AGAP1: variants seen among roughly 807,000 people sequenced by gnomAD.
The protein encoded by AGAP1 is ArfGAP with GTPase domain, ankyrin repeat and PH domain 1, also known as arf-GAP with GTPase, ANK repeat and PH domain-containing protein 1.
AGAP1 carries 29 observed loss-of-function variants against 105.3 expected under a neutral mutation model. That is an observed-to-expected ratio of 0.28 (90% confidence interval 0.21 to 0.38). AGAP1 has a LOEUF of 0.38. AGAP1 is among the 10% of genes least tolerant of loss of function. The pLI, the probability that AGAP1 is intolerant of heterozygous loss-of-function variation, is 1.00. For missense variants in AGAP1, 998 were observed against 1,165.1 expected (o/e 0.86, Z 2.09); for synonymous variants, 509 against 485.9 (o/e 1.05, Z -0.63).
In AGAP1 at chr2:235,812,390, A is replaced by G. The variant is rs559906112; in HGVS notation, c.1050+5059A>G. 1.0e-3 allele frequency among the ~76,000 whole-genome samples: 158 copies of G among 152,304 alleles called. 1 individual carries two copies. The highest frequency in any genetic ancestry group is 1.2e-3 in the Non-Finnish European group (83 of 68,026). ...CTGTGCGTGTTTTGATTCTCAGTTG[A>G]GTAGAAAGAGGCAATTGTCAATTAA... On this transcript the variant is annotated intron_variant, in intron 9 of 17. Transcript: ENST00000304032.
At chr2:235,831,829 A>G (rs1959446936) in intron 9 of AGAP1, among the ~76,000 whole-genome samples, 1 of 152,256 alleles carries the variant, frequency 6.6e-6, no homozygotes, top group African/African-American at 2.4e-5. Context: ...TAAATACCAA[A>G]GAACATGATT....
chr2:235,852,761 T>TC, intron 9 of AGAP1: 3 of 1,533,832 alleles, frequency 2.0e-6, no homozygotes, highest in Non-Finnish European at 2.6e-6. Context: ...CCGTCAGTCC[T>TC]CCCCCTGGCC....
intron 16 of AGAP1, among the ~76,000 whole-genome samples, chr2:236,079,860 G>A (rs2058737414): frequency 6.6e-6 from 1 of 152,204 alleles, no homozygotes; most frequent in South Asian, 2.1e-4. Flanking sequence ...GGTTACCAGG[G>A]AATGAGAACT....
In AGAP1 at chr2:236,121,353, T is replaced by C. The variant is rs1276501194; in HGVS notation, c.2370+906T>C. The stretch of plus-strand genomic sequence containing the variant: ...TCTCGCTCTGTCACCCAGGCTGGAG[T>C]GCAGTGGTGCGATCTCAGCTCACTG... On this transcript the variant is annotated intron_variant, in intron 17 of 17. Transcript: ENST00000304032. This position sits in a 1 kb window ranked among gnomAD's most constrained non-coding sequence, Gnocchi z 4.9. 6.6e-6 allele frequency among the ~76,000 whole-genome samples: 1 copy of C among 152,176 alleles called. No individual in the cohort carries two copies. The highest frequency in any genetic ancestry group is 1.5e-5 in the Non-Finnish European group (1 of 68,032).
intron 2 of AGAP1, among the ~76,000 whole-genome samples, chr2:235,709,702 C>T (rs1950743039): frequency 6.6e-6 from 1 of 152,228 alleles, no homozygotes; most frequent in South Asian, 2.1e-4. Context: ...TGACTATTTA[C>T]CCTGTGACCA....
intron 6 of AGAP1, among the ~76,000 whole-genome samples, chr2:235,761,710 A>G (rs559557995): frequency 6.6e-6 from 1 of 152,372 alleles, no homozygotes; most frequent in Admixed American, 6.5e-5. Flanking sequence ...TGATCAAAAG[A>G]ATAAGAGAAT....
chr2:235,960,225 A>G lies in AGAP1; in HGVS notation c.1484-8237A>G, dbSNP rs1017461683. Among the ~76,000 whole-genome samples, 7 of 152,178 alleles carry G rather than the reference A, an allele frequency of 4.6e-5. No homozygotes were observed. The highest frequency in any genetic ancestry group is 2.1e-4 in the South Asian group (1 of 4,816). Reference sequence around the variant, plus strand: ...CACAGGTGCTTTGCACACGTCAGTTACTCGAGTCATAGCCTCCTGAGGACG... The same window carrying G: ...CACAGGTGCTTTGCACACGTCAGTTGCTCGAGTCATAGCCTCCTGAGGACG... On this transcript the variant is annotated intron_variant, in intron 12 of 17. Coordinates refer to ENST00000304032, the MANE Select transcript of AGAP1 (RefSeq NM_001037131.3). The surrounding 1 kb of genome is among the most constrained non-coding windows in gnomAD (Gnocchi z 4.9).
rs2056647655 is a variant in AGAP1, at chr2:236,014,992, C to T, written c.1646-21569C>T. 6.6e-6 allele frequency: 2 copies of T among 304,660 alleles called. No individual in the cohort carries two copies. Among genetic ancestry groups the T allele is most frequent in the Non-Finnish European group, 6.8e-6 (1 of 147,302 alleles). 18.9% of individuals were successfully genotyped at this position (304,660 alleles called of 1,614,324 possible). A position where few individuals can be genotyped will look rare whatever the true frequency, so the allele number is the denominator to read the frequency against. On this transcript the variant is annotated intron_variant, in intron 13 of 17. Transcript: ENST00000304032. The surrounding 1 kb of genome is among the most constrained non-coding windows in gnomAD (Gnocchi z 6.3). ...CATGGAAATGCAATTTGCCCAAAGC[C>T]GCATGCTCCCTTATTGTGTTTGCAG...
rs2051064505 is a variant in AGAP1, at chr2:235,901,512, G to T, written c.1156-7226G>T. On this transcript the variant is annotated intron_variant, in intron 10 of 17. Transcript: ENST00000304032. The surrounding 1 kb of genome is among the most constrained non-coding windows in gnomAD (Gnocchi z 4.3). Reference sequence around the variant, plus strand: ...GTGTACATAAAAGCATACACATGGAGCCAATGGCTGCTTTGCAGACATGAA... The same window carrying T: ...GTGTACATAAAAGCATACACATGGATCCAATGGCTGCTTTGCAGACATGAA... Among the ~76,000 whole-genome samples the T allele has an allele frequency of 6.6e-6, 1 of 152,206 alleles. No homozygotes were observed. Among genetic ancestry groups the T allele is most frequent in the African/African-American group, 2.4e-5 (1 of 41,452 alleles).
chr2:235,825,834 A>G (rs1464725413), intron 9 of AGAP1, among the ~76,000 whole-genome samples: 1 of 152,214 alleles, frequency 6.6e-6, no homozygotes, highest in Non-Finnish European at 1.5e-5. Flanking sequence ...AGTAATAACT[A>G]TACATTTAAA....
chr2:235,498,363 G>C (rs1371260037), intron 1 of AGAP1, among the ~76,000 whole-genome samples: 1 of 151,716 alleles, frequency 6.6e-6, no homozygotes, highest in Non-Finnish European at 1.5e-5. Flanking sequence ...GATTGTTCCA[G>C]ATTTATCTGA....
rs1004066171 is a variant in AGAP1 at position 235,789,372 on chromosome 2, C to T, written c.674-8387C>T. Among the ~76,000 whole-genome samples the T allele has an allele frequency of 4.6e-5, 7 of 152,098 alleles. No homozygotes were observed. Among genetic ancestry groups the T allele is most frequent in the African/African-American group, 1.4e-4 (6 of 41,482 alleles). Reference sequence around the variant, plus strand: ...TATTACAGTCGGCATTTAAATCCCCCGATTAATAGGAGCAATTAAACAATA... The same window carrying T: ...TATTACAGTCGGCATTTAAATCCCCTGATTAATAGGAGCAATTAAACAATA... On this transcript the variant is annotated intron_variant, in intron 6 of 17. Coordinates refer to ENST00000304032, the MANE Select transcript of AGAP1 (RefSeq NM_001037131.3). This position sits in a 1 kb window ranked among gnomAD's most constrained non-coding sequence, Gnocchi z 4.2.
Position 236,087,919 on chromosome 2 carries a change from A to G in AGAP1, c.2115-32273A>G, listed in dbSNP as rs2058972444. 6.6e-6 allele frequency among the ~76,000 whole-genome samples: 1 copy of G among 152,204 alleles called. No individual in the cohort carries two copies. Among genetic ancestry groups the G allele is most frequent in the African/African-American group, 2.4e-5 (1 of 41,460 alleles). ...GCTTAAAGATGTGTAAAGACCTTGA[A>G]CATCAGCATCTGGCACAGCCAGGGG... On this transcript the variant is annotated intron_variant, in intron 16 of 17. Coordinates refer to ENST00000304032, the MANE Select transcript of AGAP1 (RefSeq NM_001037131.3). This position sits in a 1 kb window ranked among gnomAD's most constrained non-coding sequence, Gnocchi z 5.7.
rs970246052 is a variant in AGAP1, at chr2:235,549,981, T to C, written c.163+55132T>C. On this transcript the variant is annotated intron_variant, in intron 1 of 17. Coordinates refer to ENST00000304032, the MANE Select transcript of AGAP1 (RefSeq NM_001037131.3). The surrounding 1 kb of genome is among the most constrained non-coding windows in gnomAD (Gnocchi z 4.2). Reference sequence around the variant, plus strand: ...GGGGAACCACCTGGGCCTTGGGCCTTGGCTCTGGTAGTCTCACATAACTCT... The same window carrying C: ...GGGGAACCACCTGGGCCTTGGGCCTCGGCTCTGGTAGTCTCACATAACTCT... 6.6e-6 allele frequency among the ~76,000 whole-genome samples: 1 copy of C among 152,336 alleles called. No homozygotes were observed. Among genetic ancestry groups the C allele is most frequent in the Admixed American group, 6.5e-5 (1 of 15,312 alleles).
At chr2:235,817,080 A>G (rs116153848) in intron 9 of AGAP1, among the ~76,000 whole-genome samples, 32 of 152,288 alleles carry the variant, frequency 2.1e-4, no homozygotes, top group Middle Eastern at 3.4e-3. Flanking sequence ...GGCTTTGACA[A>G]CCAAACAAGC....
In AGAP1 at chr2:236,096,217, T is replaced by G. The variant is rs928867383; in HGVS notation, c.2115-23975T>G. On this transcript the variant is annotated intron_variant, in intron 16 of 17. Transcript: ENST00000304032. This position sits in a 1 kb window ranked among gnomAD's most constrained non-coding sequence, Gnocchi z 4.4. ...CTTCTCATTAAAAGCTCCTGGAATG[T>G]CAGCCAGGCACAGTGGCTCACGCCT... Among the ~76,000 whole-genome samples, 2 of 152,182 alleles carry G rather than the reference T, an allele frequency of 1.3e-5. No individual in the cohort carries two copies. The highest frequency in any genetic ancestry group is 4.1e-4 in the South Asian group (2 of 4,832).
chr2:236,120,248 C>A lies in AGAP1; in HGVS notation c.2171C>A (p.Pro724Gln), dbSNP rs746826800. The A allele has an allele frequency of 4.3e-6, 7 of 1,613,464 alleles. No homozygotes were observed. Among genetic ancestry groups the A allele is most frequent in the Non-Finnish European group, 5.9e-6 (7 of 1,179,688 alleles). Reference sequence around the variant, plus strand: ...TACGAGCAGAAGCTCTTCCTGGCCCCGCTGCCCTGCACGGAGCTGTCCCTG... The same window carrying A: ...TACGAGCAGAAGCTCTTCCTGGCCCAGCTGCCCTGCACGGAGCTGTCCCTG... ...AKYEQKLFLA[P>Q]LPCTELSLGQ... The change falls in exon 17 of 18, where the codon CCG becomes CAG. Residue 724 changes from proline to glutamine, a missense_variant. Pro to Gln is a moderately conservative substitution (Grantham distance 76). Around this residue, in one of 3 missense-constraint regions of AGAP1, gnomAD observed 235 missense variants for 270.7 expected, o/e 0.87. Coordinates refer to ENST00000304032, the MANE Select transcript of AGAP1 (RefSeq NM_001037131.3). This position sits in a 1 kb window ranked among gnomAD's most constrained non-coding sequence, Gnocchi z 6.0.
rs1249246595 is a variant in AGAP1, at chr2:235,934,506, A to G, written c.1483+3583A>G. Reference sequence around the variant, plus strand: ...TGTTTAGTGAACACCAGGGCACAGGATCTGATGGACAACTTCCAGAAAACG... The same window carrying G: ...TGTTTAGTGAACACCAGGGCACAGGGTCTGATGGACAACTTCCAGAAAACG... On this transcript the variant is annotated intron_variant, in intron 12 of 17. Transcript: ENST00000304032. The surrounding 1 kb of genome is among the most constrained non-coding windows in gnomAD (Gnocchi z 4.9). 1.3e-5 allele frequency among the ~76,000 whole-genome samples: 2 copies of G among 152,180 alleles called. No homozygotes were observed. The highest frequency in any genetic ancestry group is 2.9e-5 in the Non-Finnish European group (2 of 68,022).
At position 236,003,234 on chromosome 2, in the gene AGAP1, G is replaced by A. The variant is rs893615355; in HGVS notation, c.1646-33327G>A. Among the ~76,000 whole-genome samples, 15 of 152,064 alleles carry A rather than the reference G, an allele frequency of 9.9e-5. No individual in the cohort carries two copies. Among genetic ancestry groups the A allele is most frequent in the African/African-American group, 3.4e-4 (14 of 41,410 alleles). Reference sequence around the variant, plus strand: ...TAATTTTTGTATTTTTAGTAGAGACGGGGTTTTGCCATGTTGCCCAGGCTG... The same window carrying A: ...TAATTTTTGTATTTTTAGTAGAGACAGGGTTTTGCCATGTTGCCCAGGCTG... On this transcript the variant is annotated intron_variant, in intron 13 of 17. Coordinates refer to ENST00000304032, the MANE Select transcript of AGAP1 (RefSeq NM_001037131.3). The surrounding 1 kb of genome is among the most constrained non-coding windows in gnomAD (Gnocchi z 4.2).
Sources: allele counts gnomAD v4.1 joint callset (sites outside exome capture counted in the v4.1 genomes callset), GRCh38; gene constraint gnomAD v4.1.1; regional missense constraint gnomAD v4.1.1; non-coding constraint Gnocchi (gnomAD v3.1); transcripts MANE v1.5; gene names NCBI Gene and HGNC (gene_info 2026-07-23, HGNC 2026-07-21).